RNU2-63P: variants seen among roughly 807,000 people sequenced by gnomAD.
The protein encoded by RNU2-63P is RNA, U2 small nuclear 63, pseudogene.
exon 1 of RNU2-63P, chr2:88,016,385 T>C (rs541338960): frequency 2.6e-3 from 63 of 24,078 alleles, no homozygotes; most frequent in African/African-American, 5.5e-3. Flanking sequence ...AGTACTGCAA[T>C]ACCAAATCGA....
At chr2:88,016,472 A>G (rs1031054619) in exon 1 of RNU2-63P, 4 of 152,184 alleles carry the variant, frequency 2.6e-5, no homozygotes, top group Non-Finnish European at 5.9e-5. Context: ...TTCATCAAAC[A>G]GAAGAACATA....
At chr2:88,016,421 T>C (rs186995690) in exon 1 of RNU2-63P, 2 of 152,296 alleles carry the variant, frequency 1.3e-5, no homozygotes, top group South Asian at 2.1e-4. Flanking sequence ...GAGTAAACTC[T>C]TACTCCAACT....
exon 1 of RNU2-63P, chr2:88,016,540 A>G (rs536129763): frequency 6.6e-6 from 1 of 152,384 alleles, no homozygotes; most frequent in East Asian, 1.9e-4. Flanking sequence ...AAACAGCAAA[A>G]AAGAGATACC....
exon 1 of RNU2-63P, chr2:88,016,512 T>C (rs1181685928): frequency 1.3e-5 from 2 of 152,176 alleles, no homozygotes; most frequent in South Asian, 4.1e-4. Flanking sequence ...GAACACACAC[T>C]ACACTCAATC....
exon 1 of RNU2-63P, chr2:88,016,460 C>T (rs545516835): frequency 6.5e-5 from 9 of 138,810 alleles, no homozygotes; most frequent in South Asian, 2.4e-4. Context: ...TTTAATATAG[C>T]GTTCATCAAA....
chr2:88,016,538 A>G (rs1272182804), exon 1 of RNU2-63P: 1 of 152,222 alleles, frequency 6.6e-6, no homozygotes, highest in Non-Finnish European at 1.5e-5. Context: ...CCAAACAGCA[A>G]AAAAGAGATA....
chr2:88,016,526 A>G (rs913970168), exon 1 of RNU2-63P: 3 of 152,230 alleles, frequency 2.0e-5, no homozygotes, highest in African/African-American at 4.8e-5. Context: ...CTCAATCATT[A>G]ACCAAACAGC....
At chr2:88,016,463 T>C (rs541222117) in exon 1 of RNU2-63P, 30 of 144,548 alleles carry the variant, frequency 2.1e-4, no homozygotes, top group African/African-American at 5.8e-4. Context: ...AATATAGCGT[T>C]CATCAAACAG....
exon 1 of RNU2-63P, chr2:88,016,470 A>G (rs1420564494): frequency 6.6e-6 from 1 of 151,426 alleles, no homozygotes; most frequent in South Asian, 2.1e-4. Context: ...CGTTCATCAA[A>G]CAGAAGAACA....
exon 1 of RNU2-63P, chr2:88,016,519 A>T (rs997055678): frequency 6.6e-6 from 1 of 152,234 alleles, no homozygotes; most frequent in Admixed American, 6.5e-5. Flanking sequence ...CACTACACTC[A>T]ATCATTAACC....
At chr2:88,016,419 T>G (rs539424516) in exon 1 of RNU2-63P, 2 of 100,552 alleles carry the variant, frequency 2.0e-5, no homozygotes, top group South Asian at 7.3e-4. Context: ...TAGAGTAAAC[T>G]CTTACTCCAA....
At chr2:88,016,467 C>T (rs1209536339) in exon 1 of RNU2-63P, 5 of 149,374 alleles carry the variant, frequency 3.3e-5, no homozygotes, top group Non-Finnish European at 7.4e-5. Flanking sequence ...TAGCGTTCAT[C>T]AAACAGAAGA....
At chr2:88,016,495 C>T (rs1019763573) in exon 1 of RNU2-63P, 6 of 152,140 alleles carry the variant, frequency 3.9e-5, no homozygotes, top group East Asian at 1.9e-4. Context: ...AGATATTAAA[C>T]TGATAAGAAC....
Position 88,016,532 on chromosome 2 carries a change from A to G in RNU2-63P, n.16T>C, listed in dbSNP as rs991376960. On this transcript the variant is annotated non_coding_transcript_exon_variant, in exon 1 of 1. Coordinates refer to ENST00000410792, the Ensembl canonical transcript of RNU2-63P. The stretch of plus-strand genomic sequence containing the variant: ...CACACTACACTCAATCATTAACCAA[A>G]CAGCAAAAAAGAGATACCAGTTACC... 50 of 152,234 alleles carry G rather than the reference A, an allele frequency of 3.3e-4. 1 individual carries two copies. The highest frequency in any genetic ancestry group is 1.2e-3 in the African/African-American group (48 of 41,442). 9.4% of individuals were successfully genotyped at this position (152,234 alleles called of 1,614,324 possible). A position where few individuals can be genotyped will look rare whatever the true frequency, so the allele number is the denominator to read the frequency against.
exon 1 of RNU2-63P, chr2:88,016,504 A>G (rs1294075871): frequency 6.6e-6 from 1 of 152,188 alleles, no homozygotes; most frequent in Non-Finnish European, 1.5e-5. Flanking sequence ...ACTGATAAGA[A>G]CACACACTAC....
At chr2:88,016,468 A>G (rs1247712488) in exon 1 of RNU2-63P, 1 of 150,484 alleles carries the variant, frequency 6.6e-6, no homozygotes, top group African/African-American at 2.4e-5. Context: ...AGCGTTCATC[A>G]AACAGAAGAA....
chr2:88,016,471 CAGA>C (rs1439192545), exon 1 of RNU2-63P: 4 of 151,790 alleles, frequency 2.6e-5, no homozygotes, highest in African/African-American at 7.3e-5. Flanking sequence ...GTTCATCAAA[CAGA>C]AGAACATACC....
At chr2:88,016,366 G>A (rs557898255) in exon 1 of RNU2-63P, 7 of 23,742 alleles carry the variant, frequency 2.9e-4, no homozygotes, top group African/African-American at 5.1e-4. Flanking sequence ...CAGGTGCACC[G>A]TTTCTGGAAG....
At chr2:88,016,530 A>C (rs571375692) in exon 1 of RNU2-63P, 4 of 152,364 alleles carry the variant, frequency 2.6e-5, no homozygotes, top group East Asian at 1.9e-4. Flanking sequence ...ATCATTAACC[A>C]AACAGCAAAA....
Sources: allele counts gnomAD v4.1 joint callset, GRCh38; gene constraint gnomAD v4.1.1; transcripts MANE v1.5; gene names NCBI Gene and HGNC (gene_info 2026-07-23, HGNC 2026-07-21).